KIFAP3: variants seen among roughly 807,000 people sequenced by gnomAD.
KIFAP3 encodes the protein kinesin-associated protein 3.
KIFAP3 carries 68 observed loss-of-function variants against 106.5 expected under a neutral mutation model. That is an observed-to-expected ratio of 0.64 (90% CI 0.53 to 0.78). The LOEUF (loss-of-function observed/expected upper bound fraction) is 0.78, where lower values mean the gene tolerates loss of function less well. KIFAP3 is among the 30% of genes least tolerant of loss of function. The probability of loss-of-function intolerance (pLI) is 0.00; values close to 1 mark genes in which losing one functional copy is unlikely to be tolerated. For missense variants in KIFAP3, 780 were observed against 941.8 expected, an observed-to-expected ratio of 0.83 and a Z score of 2.25; for synonymous variants, 320 against 311.5, an observed-to-expected ratio of 1.03 and a Z score of -0.29.
intron 1 of KIFAP3, among the ~76,000 whole-genome samples, chr1:170,081,446 A>G (rs1672019393): frequency 6.6e-6 from 1 of 152,226 alleles, no homozygotes; most frequent in Admixed American, 6.5e-5. Flanking sequence ...GTAGATCAGA[A>G]GTCTGCAATG....
rs546340065 is a variant in KIFAP3, at chr1:170,074,332, C to T, written c.32+104G>A. 20 of 1,224,166 alleles carry T rather than the reference C, an allele frequency of 1.6e-5. No individual in the cohort carries two copies. In the South Asian group the frequency reaches 2.8e-4, roughly 17 times the overall value. The allele number at this position is 1,224,166 out of a possible 1,614,324, so 75.8% of individuals were successfully genotyped here. A position where few individuals can be genotyped will look rare whatever the true frequency, so the allele number is the denominator to read the frequency against. ...GTGACTTCTCTCCCTGCTTCCCATC[C>T]CGTCTGCTAAACTAGCGTTGCCCAG... On this transcript the variant is annotated intron_variant, in intron 1 of 19. Coordinates refer to ENST00000361580, the MANE Select transcript of KIFAP3 (RefSeq NM_014970.4).
chr1:170,007,003 A>T (rs1571651190), intron 10 of KIFAP3, among the ~76,000 whole-genome samples: 1 of 152,146 alleles, frequency 6.6e-6, no homozygotes, highest in African/African-American at 2.4e-5. Context: ...ACTGAGAACG[A>T]CTGGATATTT....
At position 169,995,265 on chromosome 1, in the gene KIFAP3, C is replaced by T. The variant is rs563230288; in HGVS notation, c.1184-3010G>A. Among the ~76,000 whole-genome samples, 4 of 152,168 alleles carry T rather than the reference C, an allele frequency of 2.6e-5. No individual in the cohort carries two copies. In the South Asian group the frequency reaches 8.3e-4, roughly 32 times the overall value. ...GTAGGTTAAACATGAAAAATTCCAA[C>T]TTTATTCCCCAAGAAGGTAGGAATC... On this transcript the variant is annotated intron_variant, in intron 10 of 19. Coordinates refer to ENST00000361580, the MANE Select transcript of KIFAP3 (RefSeq NM_014970.4).
intron 2 of KIFAP3, among the ~76,000 whole-genome samples, chr1:170,054,072 G>A (rs977502419): frequency 6.6e-6 from 1 of 152,170 alleles, no homozygotes; most frequent in African/African-American, 2.4e-5. Context: ...CAGAATGGGA[G>A]AAAATTTTTT....
chr1:169,976,211 A>T (rs1666215425), intron 16 of KIFAP3, among the ~76,000 whole-genome samples: 1 of 152,166 alleles, frequency 6.6e-6, no homozygotes, highest in Non-Finnish European at 1.5e-5. Context: ...ATAGGGTGGT[A>T]TTTCAAAGAA....
At chr1:170,062,803 GAA>G (rs1671251274) in intron 1 of KIFAP3, among the ~76,000 whole-genome samples, 4 of 151,898 alleles carry the variant, frequency 2.6e-5, no homozygotes, top group Admixed American at 2.6e-4. Context: ...CTTATCATGT[GAA>G]AAGCACTCTA....
intron 5 of KIFAP3, among the ~76,000 whole-genome samples, chr1:170,037,811 G>C (rs978767387): frequency 2.6e-5 from 4 of 152,012 alleles, no homozygotes; most frequent in Admixed American, 6.6e-5. Context: ...TTCTATAGTG[G>C]TGTTATTGAG....
intron 10 of KIFAP3, among the ~76,000 whole-genome samples, chr1:170,008,591 A>G (rs1195383927): frequency 6.6e-6 from 1 of 152,224 alleles, no homozygotes; most frequent in East Asian, 1.9e-4. Context: ...TGCCAGTTAG[A>G]ATGATGATCA....
At chr1:170,007,313 G>A in intron 10 of KIFAP3, among the ~76,000 whole-genome samples, 1 of 151,786 alleles carries the variant, frequency 6.6e-6, no homozygotes, top group East Asian at 1.9e-4. Flanking sequence ...GGGAGACAGA[G>A]AGGGAGATGG....
intron 19 of KIFAP3, among the ~76,000 whole-genome samples, chr1:169,938,693 G>A (rs1457208199): frequency 2.0e-5 from 3 of 151,962 alleles, no homozygotes; most frequent in Admixed American, 2.0e-4. Flanking sequence ...GTGGTAGGAG[G>A]GAGAATAAAC....
At position 169,999,258 on chromosome 1, in the gene KIFAP3, G is replaced by A. The variant is rs1243541645; in HGVS notation, c.1184-7003C>T. Among the ~76,000 whole-genome samples the A allele has an allele frequency of 3.3e-5, 5 of 152,246 alleles. No homozygotes were observed. The East Asian group carries it at 9.6e-4, about 29-fold the overall frequency. ...TAAGTGAATTCCTACAAGAAATGAGGATTGGAGGGTATGATTTTCTCGTAA... is the reference window on the plus strand; with the variant it reads ...TAAGTGAATTCCTACAAGAAATGAGAATTGGAGGGTATGATTTTCTCGTAA... On this transcript the variant is annotated intron_variant, in intron 10 of 19. Transcript: ENST00000361580.
intron 17 of KIFAP3, among the ~76,000 whole-genome samples, chr1:169,969,051 C>T (rs1284894375): frequency 1.3e-5 from 2 of 151,934 alleles, no homozygotes; most frequent in Non-Finnish European, 2.9e-5. Flanking sequence ...ATCAAACTTA[C>T]ACTGAGAAAT....
At chr1:169,991,931 A>G (rs1458041892) in intron 11 of KIFAP3, among the ~76,000 whole-genome samples, 1 of 152,038 alleles carries the variant, frequency 6.6e-6, no homozygotes, top group Non-Finnish European at 1.5e-5. Context: ...AAGTATGTAG[A>G]GAGAAGTGTA....
intron 19 of KIFAP3, among the ~76,000 whole-genome samples, chr1:169,927,665 G>A (rs1663217473): frequency 6.6e-6 from 1 of 152,138 alleles, no homozygotes; most frequent in Non-Finnish European, 1.5e-5. Flanking sequence ...GAATGAATTA[G>A]TCTTAAAAGT....
At chr1:170,062,168 A>G (rs1671197404) in intron 1 of KIFAP3, among the ~76,000 whole-genome samples, 3 of 151,904 alleles carry the variant, frequency 2.0e-5, no homozygotes, top group African/African-American at 7.3e-5. Flanking sequence ...ATAATTTAAA[A>G]AAAGAGTAAA....
intron 11 of KIFAP3, among the ~76,000 whole-genome samples, chr1:169,989,078 ACTGT>A (rs1204966046): frequency 3.9e-5 from 6 of 151,970 alleles, no homozygotes; most frequent in Admixed American, 1.3e-4. Context: ...ATGTTAGAAA[ACTGT>A]CTGGTAAGAA....
intron 19 of KIFAP3, among the ~76,000 whole-genome samples, chr1:169,922,514 A>C (rs1662883094): frequency 6.6e-6 from 1 of 152,240 alleles, no homozygotes; most frequent in Non-Finnish European, 1.5e-5. Flanking sequence ...GAAGTATGTT[A>C]AACTTCATGA....
At chr1:169,953,986 A>T in intron 19 of KIFAP3, 25 bp downstream of exon 19, 1 of 1,507,642 alleles carries the variant, frequency 6.6e-7, no homozygotes, top group Non-Finnish European at 9.2e-7. Flanking sequence ...ACTACACATT[A>T]GATTTTTCTT....
chr1:170,076,686 A>C (rs1344505595), upstream of KIFAP3, among the ~76,000 whole-genome samples: 3 of 152,226 alleles, frequency 2.0e-5, no homozygotes, highest in African/African-American at 7.2e-5. Flanking sequence ...AACAAGGAAA[A>C]GCTCTTCTTA....
Sources: allele counts gnomAD v4.1 joint callset (sites outside exome capture counted in the v4.1 genomes callset), GRCh38; gene constraint gnomAD v4.1.1; transcripts MANE v1.5; gene names NCBI Gene and HGNC (gene_info 2026-07-23, HGNC 2026-07-21).